SLC35F3: variants seen among roughly 807,000 people sequenced by gnomAD.
SLC35F3 encodes solute carrier family 35 member F3, also known as putative thiamine transporter SLC35F3.
SLC35F3 carries 25 observed loss-of-function variants against 49.9 expected under a neutral mutation model. The observed-to-expected ratio is 0.50, with a 90% confidence interval of 0.37 to 0.70. The LOEUF is 0.70. Ranked by LOEUF, SLC35F3 falls within the 30% of genes least tolerant of loss-of-function variation. The pLI is 0.00. For missense variants in SLC35F3, 525 were observed against 639.8 expected (o/e 0.82, Z 1.94); for synonymous variants, 275 against 265.4 (o/e 1.04, Z -0.35).
chr1:233,906,005 A>C (rs946221914), intron 2 of SLC35F3, among the ~76,000 whole-genome samples: 3 of 152,226 alleles, frequency 2.0e-5, no homozygotes, highest in Non-Finnish European at 4.4e-5. Context: ...CTGTATCCTT[A>C]TCTCTCCACT....
At chr1:234,249,096 G>A (rs554310352) in intron 3 of SLC35F3, among the ~76,000 whole-genome samples, 27 of 152,124 alleles carry the variant, frequency 1.8e-4, no homozygotes, top group Admixed American at 5.2e-4. Context: ...GCAGGGATTC[G>A]CTAACTAATC....
chr1:233,928,035 G>A (rs1311225952), intron 2 of SLC35F3, among the ~76,000 whole-genome samples: 2 of 151,898 alleles, frequency 1.3e-5, no homozygotes, highest in East Asian at 3.9e-4. Context: ...GTCTTTTATG[G>A]AGGGTACAGA....
chr1:234,229,184 T>A (rs1667330965), intron 2 of SLC35F3, among the ~76,000 whole-genome samples: 1 of 152,234 alleles, frequency 6.6e-6, no homozygotes, highest in African/African-American at 2.4e-5. Context: ...AAGGAACCTG[T>A]CTGTTCTACT....
intron 2 of SLC35F3, among the ~76,000 whole-genome samples, chr1:234,208,830 A>AT (rs1667011096): frequency 6.6e-6 from 1 of 152,114 alleles, no homozygotes; most frequent in Non-Finnish European, 1.5e-5. Flanking sequence ...GTCATTAAAT[A>AT]CCCATCCAAT....
chr1:234,265,800 C>A (rs1050429408), intron 3 of SLC35F3, among the ~76,000 whole-genome samples: 6 of 152,154 alleles, frequency 3.9e-5, no homozygotes, highest in African/African-American at 1.4e-4. Flanking sequence ...CTATGTACCC[C>A]ACATGATGGA....
At chr1:234,022,866 C>T (rs924720334) in intron 2 of SLC35F3, among the ~76,000 whole-genome samples, 1 of 152,148 alleles carries the variant, frequency 6.6e-6, no homozygotes, top group Non-Finnish European at 1.5e-5. Context: ...CCATGCTATG[C>T]CAATCCTGCC....
intron 2 of SLC35F3, among the ~76,000 whole-genome samples, chr1:234,057,090 T>C (rs1395877669): frequency 2.6e-5 from 4 of 152,180 alleles, no homozygotes; most frequent in African/African-American, 7.2e-5. Context: ...AATCAGAAAG[T>C]GTGACTCCTT....
chr1:234,113,925 A>C (rs1230879272), intron 2 of SLC35F3, among the ~76,000 whole-genome samples: 1 of 152,246 alleles, frequency 6.6e-6, no homozygotes. Flanking sequence ...CAAAGTGCAA[A>C]GACTCGGATA....
chr1:234,000,247 A>G (rs975101242), intron 2 of SLC35F3, among the ~76,000 whole-genome samples: 2 of 152,230 alleles, frequency 1.3e-5, no homozygotes, highest in African/African-American at 4.8e-5. Flanking sequence ...TGCAATAAGC[A>G]TGTATGTAGT....
intron 3 of SLC35F3, among the ~76,000 whole-genome samples, chr1:234,243,681 C>T (rs1001900263): frequency 3.9e-5 from 6 of 152,188 alleles, no homozygotes; most frequent in African/African-American, 7.2e-5. Context: ...CCTAAGCAAG[C>T]CACTGGTGTC....
chr1:233,953,460 C>T (rs1408982979), intron 2 of SLC35F3, among the ~76,000 whole-genome samples: 2 of 152,164 alleles, frequency 1.3e-5, no homozygotes, highest in Admixed American at 6.5e-5. Context: ...TGGGTCTGAA[C>T]AGTTAGGTTA....
At chr1:234,000,305 C>A (rs548164657) in intron 2 of SLC35F3, among the ~76,000 whole-genome samples, 1 of 152,196 alleles carries the variant, frequency 6.6e-6, no homozygotes, top group Non-Finnish European at 1.5e-5. Flanking sequence ...GAATTTAACT[C>A]CTTGCCTTTC....
chr1:234,163,255 T>A (rs1039520381), intron 2 of SLC35F3, among the ~76,000 whole-genome samples: 7 of 152,256 alleles, frequency 4.6e-5, no homozygotes, highest in Non-Finnish European at 1.0e-4. Context: ...GATGTTGATG[T>A]TAGTACCTTC....
chr1:234,318,819 T>A lies in SLC35F3; in HGVS notation c.1023T>A (p.Gly341=), dbSNP rs1451516660. 2 of 1,614,192 alleles carry A rather than the reference T, an allele frequency of 1.2e-6. No individual in the cohort carries two copies. Among genetic ancestry groups the A allele is most frequent in the East Asian group, 4.5e-5 (2 of 44,886 alleles). ...GEAALFLSIL[G]VFNILFITCI... ...CCGCCTTATTTTTGTCCATCTTGGG[T>A]GTGTTTAACATCCTCTTCATCACCT... is the stretch of plus-strand genomic sequence containing the variant. Residue 341 remains glycine (G), a synonymous_variant, in exon 6 of 8, where the codon GGT becomes GGA. Coordinates refer to ENST00000366618, the MANE Select transcript of SLC35F3 (RefSeq NM_173508.4).
chr1:234,121,281 C>T (rs1392128668), intron 2 of SLC35F3, among the ~76,000 whole-genome samples: 10 of 151,702 alleles, frequency 6.6e-5, no homozygotes, highest in East Asian at 1.9e-4. Context: ...GGATTACAGG[C>T]GCCCGCCACC....
chr1:234,143,036 C>T (rs1450643904), intron 2 of SLC35F3, among the ~76,000 whole-genome samples: 1 of 152,122 alleles, frequency 6.6e-6, no homozygotes, highest in Non-Finnish European at 1.5e-5. Flanking sequence ...CACTCAGTTA[C>T]CTTTTCTTAT....
intron 2 of SLC35F3, among the ~76,000 whole-genome samples, chr1:234,023,132 A>T (rs968985440): frequency 1.3e-5 from 2 of 152,170 alleles, no homozygotes; most frequent in African/African-American, 4.8e-5. Flanking sequence ...AGTGGAGGTT[A>T]CAAGACTCGC....
At chr1:234,178,746 T>C (rs1397511300) in intron 2 of SLC35F3, among the ~76,000 whole-genome samples, 2 of 151,998 alleles carry the variant, frequency 1.3e-5, no homozygotes, top group Non-Finnish European at 2.9e-5. Context: ...TGTGCTGCGT[T>C]TGCTACCATT....
chr1:234,222,471 G>T (rs906161342), intron 2 of SLC35F3, among the ~76,000 whole-genome samples: 4 of 152,106 alleles, frequency 2.6e-5, no homozygotes, highest in Admixed American at 6.5e-5. Context: ...GCTCTGTTCT[G>T]CTCATTTTCA....
Sources: gnomAD v4.1 joint callset for allele counts (sites outside exome capture counted in the v4.1 genomes callset) on GRCh38, gnomAD v4.1.1 for gene constraint, MANE v1.5 for transcripts, NCBI Gene and HGNC (gene_info 2026-07-23, HGNC 2026-07-21) for gene names.